Variants in RFX4 observed in about 807,000 individuals in gnomAD.
RFX4 encodes the protein regulatory factor X4, also known as transcription factor RFX4.
RFX4 carries 10 observed loss-of-function variants against 95.0 expected under a neutral mutation model. That is an observed-to-expected ratio of 0.11 (90% CI 0.06 to 0.18). The LOEUF is 0.18. Ranked by LOEUF, RFX4 falls within the 10% of genes least tolerant of loss-of-function variation. The pLI is 1.00. For synonymous variants in RFX4, 321 were observed against 340.7 expected (o/e 0.94, Z 0.64); for missense variants, 640 against 922.0 (o/e 0.69, Z 3.96).
chr12:106,687,571 G>C (rs1303168756), intron 6 of RFX4, among the ~76,000 whole-genome samples: 1 of 149,402 alleles, frequency 6.7e-6, no homozygotes, highest in Non-Finnish European at 1.5e-5. Context: ...AAAAAGAAAA[G>C]AAATCAAAAT....
At chr12:106,602,046 G>A (rs1330208902) in intron 1 of RFX4, among the ~76,000 whole-genome samples, 1 of 152,192 alleles carries the variant, frequency 6.6e-6, no homozygotes. Context: ...CTGCTTGCTT[G>A]TAGAGGCAGT....
In RFX4 at chr12:106,714,468, A is replaced by C. The variant is rs917208121; in HGVS notation, c.994-932A>C. On this transcript the variant is annotated intron_variant, in intron 10 of 17. Coordinates refer to ENST00000392842, the MANE Select transcript of RFX4 (RefSeq NM_213594.3). ...ACTTGTAATTGGATGGTCTGGGTACAACAAGGGTTTGTCAGTATTTACCTT... is the reference window on the plus strand; with the variant it reads ...ACTTGTAATTGGATGGTCTGGGTACCACAAGGGTTTGTCAGTATTTACCTT... Among the ~76,000 whole-genome samples, 7 of 152,270 alleles carry C rather than the reference A, an allele frequency of 4.6e-5. No individual in the cohort carries two copies. The East Asian group carries it at 1.3e-3, about 29-fold the overall frequency.
At chr12:106,709,651 A>C (rs1592966952) in intron 9 of RFX4, among the ~76,000 whole-genome samples, 1 of 97,094 alleles carries the variant, frequency 1.0e-5, no homozygotes, top group African/African-American at 3.2e-5. Context: ...ATCAACTTAG[A>C]GAGGTAGTAA....
chr12:106,674,364 T>C lies in RFX4; in HGVS notation c.316-7629T>C, dbSNP rs1221619196. ...TTTTTTTTCCAAGACAGAGTCTTGC[T>C]CTGTCACCCAGGCTGGAGTGCAGCG... On this transcript the variant is annotated intron_variant, in intron 4 of 17. Coordinates refer to ENST00000392842, the MANE Select transcript of RFX4 (RefSeq NM_213594.3). Among the ~76,000 whole-genome samples the C allele has an allele frequency of 2.0e-5, 3 of 149,548 alleles. No individual in the cohort carries two copies. In the East Asian group the frequency reaches 5.9e-4, roughly 30 times the overall value.
chr12:106,617,192 G>A (rs34998821), intron 2 of RFX4, among the ~76,000 whole-genome samples: 3,479 of 152,094 alleles, frequency 0.023, 52 homozygotes, highest in Non-Finnish European at 0.037. Context: ...CTTTTCAAAG[G>A]TCCAACTTTT....
rs893280518 is a variant in RFX4, at chr12:106,674,092, C to G, written c.316-7901C>G. ...CCCCTCCAGCCCCCAGACCTCTCCTCCTGCCACTCCCTCGCCCACTGGCTC... is the reference window on the plus strand; with the variant it reads ...CCCCTCCAGCCCCCAGACCTCTCCTGCTGCCACTCCCTCGCCCACTGGCTC... On this transcript the variant is annotated intron_variant, in intron 4 of 17. Coordinates refer to ENST00000392842, the MANE Select transcript of RFX4 (RefSeq NM_213594.3). Among the ~76,000 whole-genome samples the G allele has an allele frequency of 3.3e-5, 5 of 152,356 alleles. No homozygotes were observed. The South Asian group carries it at 6.2e-4, about 19-fold the overall frequency.
intron 2 of RFX4, among the ~76,000 whole-genome samples, chr12:106,617,516 T>C (rs2040097497): frequency 6.6e-6 from 1 of 152,252 alleles, no homozygotes; most frequent in Non-Finnish European, 1.5e-5. Context: ...AATCTGTTGC[T>C]TAATGTCCAA....
At chr12:106,654,773 A>G (rs1299189362) in intron 4 of RFX4, among the ~76,000 whole-genome samples, 1 of 152,176 alleles carries the variant, frequency 6.6e-6, no homozygotes, top group Non-Finnish European at 1.5e-5. Context: ...TACTATTTGC[A>G]TTATCACTAC....
intron 1 of RFX4, among the ~76,000 whole-genome samples, chr12:106,606,121 C>T (rs143992104): frequency 2.0e-5 from 3 of 152,260 alleles, no homozygotes; most frequent in Non-Finnish European, 4.4e-5. Context: ...AGAGAATGTC[C>T]CATCAATCAC....
At chr12:106,750,548 GAA>G in intron 16 of RFX4, 105 bp from the exon 17 acceptor site, 1 of 1,127,702 alleles carries the variant, frequency 8.9e-7, no homozygotes, top group Non-Finnish European at 1.2e-6. Flanking sequence ...AAAGAAAAGA[GAA>G]AAAAGAAGAA....
At chr12:106,732,285 G>A (rs2042627801) in intron 14 of RFX4, 36 bp downstream of exon 14, 1 of 1,611,012 alleles carries the variant, frequency 6.2e-7, no homozygotes, top group Admixed American at 1.7e-5. Flanking sequence ...GCACCACTTG[G>A]TAATGTTATT....
At chr12:106,672,738 T>C (rs2041308778) in intron 4 of RFX4, among the ~76,000 whole-genome samples, 1 of 147,042 alleles carries the variant, frequency 6.8e-6, no homozygotes, top group Admixed American at 6.9e-5. Flanking sequence ...GAATAATTTG[T>C]AATTTGCAGC....
intron 15 of RFX4, among the ~76,000 whole-genome samples, chr12:106,734,178 T>C (rs941526634): frequency 6.6e-6 from 1 of 151,760 alleles, no homozygotes; most frequent in Non-Finnish European, 1.5e-5. Context: ...GGAAGGGAAA[T>C]GAGGAGTTAG....
intron 13 of RFX4, among the ~76,000 whole-genome samples, chr12:106,723,937 G>C (rs1041034260): frequency 2.6e-5 from 4 of 152,174 alleles, no homozygotes; most frequent in African/African-American, 9.7e-5. Context: ...TAAAGCTGGA[G>C]TTTTTTTCTG....
intron 8 of RFX4, among the ~76,000 whole-genome samples, chr12:106,707,919 G>A (rs2042118042): frequency 6.6e-6 from 1 of 152,222 alleles, no homozygotes; most frequent in Non-Finnish European, 1.5e-5. Context: ...GATCACTTGA[G>A]GTCAGGAGTT....
chr12:106,678,057 G>T (rs2041431389), intron 4 of RFX4, among the ~76,000 whole-genome samples: 1 of 152,182 alleles, frequency 6.6e-6, no homozygotes, highest in Non-Finnish European at 1.5e-5. Flanking sequence ...AGGAATGAAG[G>T]GAGTCATAGA....
chr12:106,715,572 C>T, intron 11 of RFX4, 28 bp downstream of exon 11: 1 of 1,605,996 alleles, frequency 6.2e-7, no homozygotes, highest in Non-Finnish European at 8.5e-7. Flanking sequence ...GGATTGTTGT[C>T]CTGTTTTTAT....
chr12:106,761,469 ACTG>A lies in RFX4; in HGVS notation c.*3_*5del, dbSNP rs929543896. Reference sequence around the variant, plus strand: ...AGGCCTCTACAGGATGGGCTAAATGACTGCTATCATAGGCATCCATATTTAATA... The same window carrying A: ...AGGCCTCTACAGGATGGGCTAAATGACTATCATAGGCATCCATATTTAATA... On this transcript the variant is annotated 3_prime_UTR_variant, in exon 18 of 18. Transcript: ENST00000392842. The A allele has an allele frequency of 5.7e-6, 9 of 1,587,110 alleles. No homozygotes were observed. The highest frequency in any genetic ancestry group is 7.7e-6 in the Non-Finnish European group (9 of 1,165,988).
chr12:106,644,598 C>G (rs1387908353), intron 3 of RFX4, among the ~76,000 whole-genome samples: 2 of 152,144 alleles, frequency 1.3e-5, no homozygotes, highest in African/African-American at 4.8e-5. Flanking sequence ...CAAGTAGGGC[C>G]TCACGGAACA....
Sources: gnomAD v4.1 joint callset for allele counts (sites outside exome capture counted in the v4.1 genomes callset) on GRCh38, gnomAD v4.1.1 for gene constraint, MANE v1.5 for transcripts, NCBI Gene and HGNC (gene_info 2026-07-23, HGNC 2026-07-21) for gene names.